GSE1: variants seen among roughly 807,000 people sequenced by gnomAD.
GSE1 encodes the protein Gse1 coiled-coil protein.
Under a neutral mutation model 112.6 loss-of-function variants are expected in GSE1, and 32 were observed. The observed-to-expected ratio is 0.28, with a 90% CI of 0.21 to 0.38. The LOEUF (loss-of-function observed/expected upper bound fraction) is 0.38, where lower values mean the gene tolerates loss of function less well. GSE1 is among the 10% of genes least tolerant of loss of function. The pLI, the probability that GSE1 is intolerant of heterozygous loss-of-function variation, is 1.00. For synonymous variants in GSE1, 1,115 were observed against 735.6 expected, an observed-to-expected ratio of 1.52 and a Z score of -8.35; for missense variants, 2,348 against 1,699.2, an observed-to-expected ratio of 1.38 and a Z score of -6.71.
chr16:85,653,419 G>A (rs780620118), intron 3 of GSE1, among the ~76,000 whole-genome samples: 4 of 148,508 alleles, frequency 2.7e-5, no homozygotes, highest in East Asian at 2.0e-4. Flanking sequence ...CAGCCTCTGC[G>A]TGGCTAGGGG....
At chr16:85,560,421 C>G (rs1338898057) in intron 1 of GSE1, among the ~76,000 whole-genome samples, 2 of 152,154 alleles carry the variant, frequency 1.3e-5, no homozygotes, top group Non-Finnish European at 2.9e-5. Flanking sequence ...CCGCACCTGG[C>G]CAAGTCATAG....
chr16:85,199,818 G>A (rs1489646534), intron 1 of GSE1, among the ~76,000 whole-genome samples: 3 of 152,166 alleles, frequency 2.0e-5, no homozygotes, highest in Admixed American at 6.5e-5. Context: ...GCAGACCCCC[G>A]TGTGGAGACC....
At chr16:85,560,023 C>G (rs947688781) in intron 1 of GSE1, among the ~76,000 whole-genome samples, 1 of 151,410 alleles carries the variant, frequency 6.6e-6, no homozygotes, top group Non-Finnish European at 1.5e-5. Flanking sequence ...TAGCGCTTGT[C>G]GAGTGATAAC....
intron 1 of GSE1, among the ~76,000 whole-genome samples, chr16:85,294,174 G>T (rs965159824): frequency 3.9e-5 from 6 of 152,164 alleles, no homozygotes; most frequent in African/African-American, 1.2e-4. Context: ...GATCCCCGGG[G>T]TCCCTTCTGC....
At chr16:85,505,418 G>A (rs1479743684) in intron 2 of GSE1, among the ~76,000 whole-genome samples, 5 of 152,184 alleles carry the variant, frequency 3.3e-5, no homozygotes, top group Non-Finnish European at 5.9e-5. Context: ...CTGTCACTCT[G>A]CCTGGGGGCT....
chr16:85,482,977 C>CAAAAAAAAAAAAAAAAAAAAA (rs3054201), intron 2 of GSE1, among the ~76,000 whole-genome samples: 15 of 48,234 alleles, frequency 3.1e-4, no homozygotes, highest in African/African-American at 9.2e-4. Flanking sequence ...GACTCCGTCT[C>CAAAAAAAAAAAAAAAAAAAAA]AAAAAAAAAA....
intron 1 of GSE1, among the ~76,000 whole-genome samples, chr16:85,199,697 G>T (rs1349421101): frequency 6.6e-6 from 1 of 152,048 alleles, no homozygotes; most frequent in African/African-American, 2.4e-5. Flanking sequence ...TCTAAGTTTG[G>T]GAGCTCAGGA....
At chr16:85,210,079 T>G (rs1269597271) in intron 1 of GSE1, among the ~76,000 whole-genome samples, 1 of 152,220 alleles carries the variant, frequency 6.6e-6, no homozygotes, top group Non-Finnish European at 1.5e-5. Context: ...GCTGGTGAGC[T>G]GCAAAAATAT....
At chr16:85,605,302 A>C (rs770774194) in intron 1 of GSE1, among the ~76,000 whole-genome samples, 68 of 152,022 alleles carry the variant, frequency 4.5e-4, no homozygotes, top group Non-Finnish European at 9.4e-4. Flanking sequence ...GTCGGAGGAG[A>C]AAAGAGTTCC....
At chr16:85,204,804 C>A (rs2075086933) in intron 1 of GSE1, among the ~76,000 whole-genome samples, 1 of 152,206 alleles carries the variant, frequency 6.6e-6, no homozygotes, top group African/African-American at 2.4e-5. Context: ...CTATGCCAGG[C>A]CTGCCCCCCA....
intron 11 of GSE1, 121 bp from the exon 12 acceptor site, chr16:85,664,894 C>CTT (rs1323154575): frequency 3.0e-6 from 2 of 668,598 alleles, no homozygotes; most frequent in Admixed American, 4.6e-5. Context: ...ATCACACCTG[C>CTT]TTTTGGTTTT....
intron 1 of GSE1, among the ~76,000 whole-genome samples, chr16:85,337,806 A>T (rs974035670): frequency 2.6e-5 from 4 of 152,246 alleles, no homozygotes; most frequent in African/African-American, 4.8e-5. Context: ...TCTGAAATGG[A>T]AGCGTCAGCC....
chr16:85,205,636 G>C (rs910447419), intron 1 of GSE1, among the ~76,000 whole-genome samples: 4 of 152,046 alleles, frequency 2.6e-5, no homozygotes, highest in Non-Finnish European at 5.9e-5. Context: ...TACACTGGGG[G>C]TAAGAGGCAG....
chr16:85,345,495 T>G (rs921003831), intron 1 of GSE1, among the ~76,000 whole-genome samples: 1 of 152,202 alleles, frequency 6.6e-6, no homozygotes, highest in Non-Finnish European at 1.5e-5. Flanking sequence ...GGAACACTCT[T>G]CCCCAGCTAT....
At chr16:85,231,102 A>T (rs903835327) in intron 1 of GSE1, among the ~76,000 whole-genome samples, 2 of 145,460 alleles carry the variant, frequency 1.4e-5, no homozygotes, top group Non-Finnish European at 3.0e-5. Context: ...GGATGGACAG[A>T]TGAATGGATG....
At chr16:85,611,144 T>C (rs1338334633), upstream of GSE1, among the ~76,000 whole-genome samples, 1 of 152,130 alleles carries the variant, frequency 6.6e-6, no homozygotes, top group Non-Finnish European at 1.5e-5. Flanking sequence ...TTGCATGCTG[T>C]TCCCCTCCCC....
chr16:85,380,502 G>A (rs1384263048), intron 2 of GSE1, among the ~76,000 whole-genome samples: 1 of 75,504 alleles, frequency 1.3e-5, no homozygotes, highest in Non-Finnish European at 3.9e-5. Context: ...AGGCAAGGTG[G>A]GAGGACACCC....
At chr16:85,494,385 A>G (rs554863533) in intron 2 of GSE1, among the ~76,000 whole-genome samples, 2 of 151,588 alleles carry the variant, frequency 1.3e-5, no homozygotes, top group East Asian at 1.9e-4. Flanking sequence ...GGCCCACCCT[A>G]TTCCAAAATG....
intron 1 of GSE1, among the ~76,000 whole-genome samples, chr16:85,271,349 C>T (rs994584397): frequency 6.6e-6 from 1 of 152,188 alleles, no homozygotes; most frequent in African/African-American, 2.4e-5. Context: ...CATCTCTGCT[C>T]ACATGAATGG....
Sources: allele counts gnomAD v4.1 joint callset (sites outside exome capture counted in the v4.1 genomes callset), GRCh38; gene constraint gnomAD v4.1.1; transcripts MANE v1.5; gene names NCBI Gene and HGNC (gene_info 2026-07-23, HGNC 2026-07-21).